Variants in JPH3 observed in about 807,000 individuals in gnomAD.
JPH3 encodes junctophilin 3, also known as junctophilin-3.
In JPH3, 11 loss-of-function variants were observed where a neutral mutation model predicts 59.6. The observed-to-expected ratio is 0.18, with a 90% CI of 0.12 to 0.31. The LOEUF is 0.31. JPH3 is among the 10% of genes least tolerant of loss of function. The pLI, the probability that JPH3 is intolerant of heterozygous loss-of-function variation, is 1.00. For synonymous variants in JPH3, 673 were observed against 483.6 expected (o/e 1.39, Z -5.14); for missense variants, 1,202 against 1,105.7 (o/e 1.09, Z -1.24).
chr16:87,665,701 C>T (rs2032839326), intron 2 of JPH3, among the ~76,000 whole-genome samples: 1 of 152,246 alleles, frequency 6.6e-6, no homozygotes, highest in Non-Finnish European at 1.5e-5. Flanking sequence ...CACGGCTCAG[C>T]ATGGTCTAGA....
At chr16:87,619,608 C>G (rs1249936291) in intron 1 of JPH3, among the ~76,000 whole-genome samples, 3 of 152,148 alleles carry the variant, frequency 2.0e-5, no homozygotes, top group Non-Finnish European at 4.4e-5. Flanking sequence ...CCGGCTGTCA[C>G]TATCTGGCTC....
intron 2 of JPH3, among the ~76,000 whole-genome samples, chr16:87,682,464 C>T (rs949063837): frequency 1.3e-5 from 2 of 152,088 alleles, no homozygotes; most frequent in East Asian, 1.9e-4. Flanking sequence ...GGGCTGAGGA[C>T]TGAGCCTCAT....
intron 1 of JPH3, among the ~76,000 whole-genome samples, chr16:87,621,353 C>G (rs1035497102): frequency 3.9e-5 from 6 of 152,090 alleles, no homozygotes; most frequent in Non-Finnish European, 8.8e-5. Context: ...GGAGGGGGTT[C>G]GGGACAGGAA....
At chr16:87,623,603 T>C (rs1359269841) in intron 1 of JPH3, among the ~76,000 whole-genome samples, 10 of 152,336 alleles carry the variant, frequency 6.6e-5, no homozygotes, top group African/African-American at 2.4e-4. Context: ...TATTTCCTTC[T>C]GTGAACCCCT....
intron 1 of JPH3, among the ~76,000 whole-genome samples, chr16:87,643,995 G>T (rs896473412): frequency 2.6e-5 from 4 of 152,176 alleles, no homozygotes; most frequent in African/African-American, 4.8e-5. Flanking sequence ...CAAAGTAGTG[G>T]AGCATGGTGG....
At chr16:87,659,906 G>A (rs1193756414) in intron 2 of JPH3, among the ~76,000 whole-genome samples, 1 of 152,144 alleles carries the variant, frequency 6.6e-6, no homozygotes, top group Admixed American at 6.5e-5. Context: ...CCAGCCTGGG[G>A]ATTAGGCATC....
chr16:87,681,787 C>T (rs999202118), intron 2 of JPH3, among the ~76,000 whole-genome samples: 10 of 152,120 alleles, frequency 6.6e-5, no homozygotes, highest in African/African-American at 1.9e-4. Flanking sequence ...CCTTGGCTTC[C>T]GGGGAGCTTG....
intron 1 of JPH3, among the ~76,000 whole-genome samples, chr16:87,613,135 C>A (rs1218522232): frequency 7.3e-6 from 1 of 137,268 alleles, no homozygotes; most frequent in Non-Finnish European, 1.5e-5. Flanking sequence ...CTCACTCTGT[C>A]GCCTAGGCTG....
At chr16:87,613,812 A>G (rs1305404176) in intron 1 of JPH3, among the ~76,000 whole-genome samples, 1 of 152,330 alleles carries the variant, frequency 6.6e-6, no homozygotes, top group South Asian at 2.1e-4. Flanking sequence ...GCATTTTATC[A>G]TAGACGTTAT....
chr16:87,635,556 A>C (rs1253323729), intron 1 of JPH3, among the ~76,000 whole-genome samples: 1 of 152,132 alleles, frequency 6.6e-6, no homozygotes. Context: ...GTCCCAGCGG[A>C]TCTCCGAGCA....
At chr16:87,607,089 C>G (rs2030548987) in intron 1 of JPH3, among the ~76,000 whole-genome samples, 1 of 152,186 alleles carries the variant, frequency 6.6e-6, no homozygotes, top group Non-Finnish European at 1.5e-5. Context: ...GTTCTTTCCT[C>G]TCGTTTATAT....
At chr16:87,677,696 A>C (rs999749591) in intron 2 of JPH3, among the ~76,000 whole-genome samples, 1 of 152,204 alleles carries the variant, frequency 6.6e-6, no homozygotes, top group Non-Finnish European at 1.5e-5. Context: ...CAGAGATCCA[A>C]AGGAATTGGC....
chr16:87,684,261 A>T lies in JPH3; in HGVS notation c.1280A>T (p.Glu427Val), dbSNP rs202108635. ...KEFSPSFQHR[E>V]NGLEYQRPKR... is the part of the protein sequence containing the mutation. ...TTCTCCCCTTCCTTCCAGCACCGGG[A>T]AAACGGTGAGTCTCGCCGGGCCTGA... The change falls in exon 3 of 5, where the codon GAA (glutamate) becomes GTA (valine). Residue 427 changes from glutamate to valine, a missense_variant. Glu to Val is a moderately radical substitution (Grantham distance 121). Transcript: ENST00000284262. 9.9e-5 allele frequency: 159 copies of T among 1,613,790 alleles called. No individual in the cohort carries two copies. Among genetic ancestry groups the T allele is most frequent in the Non-Finnish European group, 3.6e-5 (42 of 1,179,986 alleles).
At chr16:87,632,170 C>T (rs1057060962) in intron 1 of JPH3, among the ~76,000 whole-genome samples, 2 of 152,216 alleles carry the variant, frequency 1.3e-5, no homozygotes, top group Non-Finnish European at 2.9e-5. Flanking sequence ...TTCCACCTCT[C>T]TCCTGGATAA....
In JPH3 at chr16:87,603,151, C is replaced by T. The variant is rs1458229675; in HGVS notation, c.5C>T (p.Ser2Phe). Reference sequence around the variant, plus strand: ...ATCTGGAACCGAGTTACATGCATGTCCAGTGGGGGCAGGTTTAATTTTGAC... The same window carrying T: ...ATCTGGAACCGAGTTACATGCATGTTCAGTGGGGGCAGGTTTAATTTTGAC... M[S>F]SGGRFNFDDG... Residue 2 changes from serine to phenylalanine, a missense_variant, in exon 1 of 5, where the codon TCC (serine) becomes TTC (phenylalanine). Physicochemically the swap from Ser to Phe is radical, Grantham distance 155. Coordinates refer to ENST00000284262, the MANE Select transcript of JPH3 (RefSeq NM_020655.4). 1.3e-5 allele frequency: 21 copies of T among 1,613,800 alleles called. No homozygotes were observed. The highest frequency in any genetic ancestry group is 1.5e-5 in the Non-Finnish European group (18 of 1,179,892).
In JPH3 at chr16:87,659,748, G is replaced by C. The variant is rs2032641115; in HGVS notation, c.1160+14713G>C. 2.0e-5 allele frequency among the ~76,000 whole-genome samples: 3 copies of C among 152,042 alleles called. No homozygotes were observed. The South Asian group carries it at 6.2e-4, about 32-fold the overall frequency. ...ACTCCATTTCAAAAAAAAAAAGGAT[G>C]ATTTTTAACCATTTTTAAGTGTACC... is the stretch of plus-strand genomic sequence containing the variant. On this transcript the variant is annotated intron_variant, in intron 2 of 4. Coordinates refer to ENST00000284262, the MANE Select transcript of JPH3 (RefSeq NM_020655.4).
chr16:87,633,042 A>T (rs2031614813), intron 1 of JPH3, among the ~76,000 whole-genome samples: 2 of 151,954 alleles, frequency 1.3e-5, no homozygotes, highest in South Asian at 4.1e-4. Context: ...CTGTCCTTTT[A>T]CTTCATTATT....
chr16:87,602,910 G>C lies in JPH3; in HGVS notation c.-237G>C. Reference sequence around the variant, plus strand: ...CCGGTCCTGTCTCCAGCGGGAGCGCGAGACGCTGGTCAGGCTCCGCGGCGC... The same window carrying C: ...CCGGTCCTGTCTCCAGCGGGAGCGCCAGACGCTGGTCAGGCTCCGCGGCGC... On this transcript the variant is annotated 5_prime_UTR_variant, in exon 1 of 5. Coordinates refer to ENST00000284262, the MANE Select transcript of JPH3 (RefSeq NM_020655.4). 1 of 289,374 alleles carries C rather than the reference G, an allele frequency of 3.5e-6. No homozygotes were observed. The highest frequency in any genetic ancestry group is 5.5e-5 in the Admixed American group (1 of 18,066). The allele number at this position is 289,374 out of a possible 1,614,324, so 17.9% of individuals were successfully genotyped here.
chr16:87,692,537 G>A (rs562670792), intron 4 of JPH3, among the ~76,000 whole-genome samples: 51 of 152,260 alleles, frequency 3.3e-4, no homozygotes, highest in African/African-American at 9.1e-4. Context: ...GAGCTCACAC[G>A]CCAGAGGCCC....
Sources: gnomAD v4.1 joint callset for allele counts (sites outside exome capture counted in the v4.1 genomes callset) on GRCh38, gnomAD v4.1.1 for gene constraint, MANE v1.5 for transcripts, NCBI Gene and HGNC (gene_info 2026-07-23, HGNC 2026-07-21) for gene names.